The following SPINK5 variants were observed in gnomAD, a reference collection of about 807,000 sequenced individuals.
SPINK5 encodes the protein serine protease inhibitor Kazal-type 5.
SPINK5 carries 125 observed loss-of-function variants against 151.8 expected under a neutral mutation model. The observed-to-expected ratio is 0.82, with a 90% confidence interval of 0.71 to 0.96. SPINK5 has a LOEUF of 0.96. Ranked by LOEUF, SPINK5 falls within the 40% of genes least tolerant of loss-of-function variation. SPINK5 has a pLI of 0.00. For synonymous variants in SPINK5, 374 were observed against 395.3 expected (o/e 0.95, Z 0.64); for missense variants, 1,194 against 1,291.9 (o/e 0.92, Z 1.16).
chr5:148,107,312 G>A (rs1753809887), intron 17 of SPINK5, 148 bp downstream of exon 17: 4 of 1,102,738 alleles, frequency 3.6e-6, no homozygotes, highest in Middle Eastern at 2.1e-4. Context: ...AAGTAATATT[G>A]AATCATATAG....
intron 19 of SPINK5, 39 bp downstream of exon 19, chr5:148,111,934 A>G: frequency 6.2e-7 from 1 of 1,613,718 alleles, no homozygotes; most frequent in Non-Finnish European, 8.5e-7. Flanking sequence ...TGAGTGTGGG[A>G]GAAGATCAGC....
chr5:148,070,518 T>G, intron 3 of SPINK5, 68 bp downstream of exon 3: 1 of 1,594,328 alleles, frequency 6.3e-7, no homozygotes, highest in Non-Finnish European at 8.6e-7. Context: ...CTGGTAAATG[T>G]ATTCTTTTTC....
intron 4 of SPINK5, among the ~76,000 whole-genome samples, chr5:148,076,026 G>C (rs1376951435): frequency 6.6e-6 from 1 of 151,448 alleles, no homozygotes; most frequent in Admixed American, 6.6e-5. Flanking sequence ...AGCCCAAAGA[G>C]GGTCAAGAGA....
chr5:148,113,925 G>T (rs578204087), intron 20 of SPINK5, among the ~76,000 whole-genome samples: 3 of 152,146 alleles, frequency 2.0e-5, no homozygotes, highest in Non-Finnish European at 4.4e-5. Flanking sequence ...CCTTTAAGCA[G>T]AGCTAGGAGA....
chr5:148,132,590 C>A (rs900100731), intron 31 of SPINK5, among the ~76,000 whole-genome samples: 1 of 151,998 alleles, frequency 6.6e-6, no homozygotes, highest in African/African-American at 2.4e-5. Context: ...CTCAGAGAGT[C>A]CAGGTAATTT....
intron 16 of SPINK5, among the ~76,000 whole-genome samples, chr5:148,106,825 G>A (rs187717399): frequency 7.2e-5 from 11 of 152,116 alleles, no homozygotes; most frequent in East Asian, 3.9e-4. Flanking sequence ...CAACACACAC[G>A]TATGTTTTTG....
intron 4 of SPINK5, among the ~76,000 whole-genome samples, chr5:148,077,644 TA>T (rs1752919169): frequency 6.8e-6 from 1 of 147,508 alleles, no homozygotes; most frequent in African/African-American, 2.5e-5. Flanking sequence ...CAGGTATATA[TA>T]TATATATATA....
At chr5:148,109,932 A>T (rs7711927) in intron 18 of SPINK5, among the ~76,000 whole-genome samples, 67,592 of 151,958 alleles carry the variant, frequency 0.44, 16,412 homozygotes, top group Admixed American at 0.58. Context: ...ATTATTCTAC[A>T]TTGTTCTCCA....
chr5:148,108,926 ATTC>A, intron 18 of SPINK5, 89 bp downstream of exon 18: 1 of 1,581,988 alleles, frequency 6.3e-7, no homozygotes, highest in Non-Finnish European at 8.6e-7. Context: ...TCATTCCAGT[ATTC>A]TTAGTTTCTT....
intron 6 of SPINK5, 83 bp from the exon 7 acceptor site, chr5:148,089,411 A>G (rs1753248245): frequency 2.5e-6 from 4 of 1,597,004 alleles, no homozygotes; most frequent in Non-Finnish European, 3.4e-6. Context: ...TGTCAGAGGG[A>G]CTGAGTTCAA....
At chr5:148,114,735 A>G (rs1754040506) in intron 21 of SPINK5, among the ~76,000 whole-genome samples, 1 of 152,248 alleles carries the variant, frequency 6.6e-6, no homozygotes, top group African/African-American at 2.4e-5. Context: ...AGTAGATCAC[A>G]CTTCCTTGAT....
At position 148,086,160 on chromosome 5, in the gene SPINK5, C is replaced by T. The variant is rs367558815; in HGVS notation, c.283-245C>T. 5.1e-4 allele frequency among the ~76,000 whole-genome samples: 77 copies of T among 151,946 alleles called. No homozygotes were observed. In the East Asian group the frequency reaches 8.8e-3, roughly 17 times the overall value. On this transcript the variant is annotated intron_variant, in intron 4 of 32. Coordinates refer to ENST00000256084, the MANE Select transcript of SPINK5 (RefSeq NM_006846.4). ...GCCAAGTTTCAGAGTGGTGACGTGG[C>T]CTACTTCACCCAGACAGCAAGTGGC...
intron 32 of SPINK5, among the ~76,000 whole-genome samples, chr5:148,135,393 C>T (rs191344385): frequency 6.6e-5 from 10 of 152,256 alleles, no homozygotes; most frequent in Admixed American, 2.0e-4. Context: ...GGAAAAACTA[C>T]TTTATAAAGA....
chr5:148,072,844 G>T (rs1752777031), intron 4 of SPINK5, among the ~76,000 whole-genome samples: 1 of 139,528 alleles, frequency 7.2e-6, no homozygotes. Context: ...CTAATATTTT[G>T]TTTAAGAAAA....
chr5:148,082,254 A>G (rs1271864506), intron 4 of SPINK5, among the ~76,000 whole-genome samples: 3 of 151,168 alleles, frequency 2.0e-5, no homozygotes, highest in Non-Finnish European at 3.0e-5. Flanking sequence ...GTTCCTGTTC[A>G]TTTTACAATG....
Position 148,129,933 on chromosome 5 carries a change from C to T in SPINK5, c.2965-1326C>T, listed in dbSNP as rs574096398. ...AATTATTCTTTTAGTATCTACAGCT[C>T]ATATAGTGATGACCTGTTATCTCTA... On this transcript the variant is annotated intron_variant, in intron 30 of 32. Transcript: ENST00000256084. Among the ~76,000 whole-genome samples, 10 of 152,170 alleles carry T rather than the reference C, an allele frequency of 6.6e-5. No individual in the cohort carries two copies. The East Asian group carries it at 1.9e-3, about 29-fold the overall frequency.
intron 4 of SPINK5, among the ~76,000 whole-genome samples, chr5:148,078,562 T>C (rs1040486224): frequency 1.3e-5 from 2 of 150,898 alleles, no homozygotes; most frequent in East Asian, 3.9e-4. Context: ...AATTTTAATA[T>C]ATTAAAATCA....
At position 148,116,075 on chromosome 5, in the gene SPINK5, C is replaced by G. The variant is rs10056793; in HGVS notation, c.2016-295C>G. 0.057 allele frequency among the ~76,000 whole-genome samples: 8,650 copies of G among 152,106 alleles called. 826 individuals are homozygous for G. The highest frequency in any genetic ancestry group is 0.2 in the African/African-American group (8,145 of 41,452). Reference sequence around the variant, plus strand: ...GACCTCAGGGATCCACTCACCTCAGCCTTCCAAAGTGCTGAGATTACAGGT... The same window carrying G: ...GACCTCAGGGATCCACTCACCTCAGGCTTCCAAAGTGCTGAGATTACAGGT... On this transcript the variant is annotated intron_variant, in intron 21 of 32. Coordinates refer to ENST00000256084, the MANE Select transcript of SPINK5 (RefSeq NM_006846.4).
chr5:148,137,166 C>T lies in SPINK5; in HGVS notation c.*175C>T. The T allele has an allele frequency of 1.2e-6, 1 of 807,946 alleles. No homozygotes were observed. Among genetic ancestry groups the T allele is most frequent in the Non-Finnish European group, 2.0e-6 (1 of 491,628 alleles). The allele number at this position is 807,946 out of a possible 1,614,324, so 50.0% of individuals were successfully genotyped here. On this transcript the variant is annotated 3_prime_UTR_variant, in exon 33 of 33. Coordinates refer to ENST00000256084, the MANE Select transcript of SPINK5 (RefSeq NM_006846.4). Reference sequence around the variant, plus strand: ...TTTCAGTCTTTTCCATCTCTTTCCTCCTAGACTCTGTGATCTGAGGGTATA... The same window carrying T: ...TTTCAGTCTTTTCCATCTCTTTCCTTCTAGACTCTGTGATCTGAGGGTATA...
Sources: gnomAD v4.1 joint callset for allele counts (sites outside exome capture counted in the v4.1 genomes callset) on GRCh38, gnomAD v4.1.1 for gene constraint, MANE v1.5 for transcripts, NCBI Gene and HGNC (gene_info 2026-07-23, HGNC 2026-07-21) for gene names.